Variants in IPP observed in about 807,000 individuals in gnomAD.
IPP encodes the protein intracisternal A particle-promoted polypeptide, also known as actin-binding protein IPP.
Under a neutral mutation model 64.1 loss-of-function variants are expected in IPP, and 41 were observed. That is an observed-to-expected ratio of 0.64 (90% confidence interval 0.50 to 0.83). The LOEUF (loss-of-function observed/expected upper bound fraction) is 0.83. Ranked by LOEUF, IPP falls within the 40% of genes least tolerant of loss-of-function variation. The probability of loss-of-function intolerance (pLI) is 0.00; values close to 1 mark genes in which losing one functional copy is unlikely to be tolerated. For synonymous variants in IPP, 214 were observed against 235.2 expected (o/e 0.91, Z 0.83); for missense variants, 649 against 703.0 (o/e 0.92, Z 0.87).
chr1:45,714,354 C>T lies in IPP; in HGVS notation c.1422G>A (p.Arg474=), dbSNP rs1202099926. Reference sequence around the variant, plus strand: ...GTGCAGCCACACCAAGATATGCTCTCCTGGTTCCCATTGGAGGAAGTGGAG... The same window carrying T: ...GTGCAGCCACACCAAGATATGCTCTTCTGGTTCCCATTGGAGGAAGTGGAG... ...RWSPLPPMGT[R]RAYLGVAALN... is the part of the protein sequence containing the mutation. The change falls in exon 8 of 9, where the codon AGG becomes AGA. Residue 474 remains arginine (R), a synonymous_variant. Coordinates refer to ENST00000396478, the MANE Select transcript of IPP (RefSeq NM_005897.3). 17 of 1,613,966 alleles carry T rather than the reference C, an allele frequency of 1.1e-5. No individual in the cohort carries two copies. The highest frequency in any genetic ancestry group is 2.2e-5 in the East Asian group (1 of 44,892).
chr1:45,728,643 C>A (rs1645865107), intron 4 of IPP, among the ~76,000 whole-genome samples: 1 of 151,846 alleles, frequency 6.6e-6, no homozygotes. Context: ...TACAGGCACA[C>A]ACCACCACAC....
At chr1:45,750,259 C>CT (rs1646203728) in intron 1 of IPP, among the ~76,000 whole-genome samples, 1 of 152,170 alleles carries the variant, frequency 6.6e-6, no homozygotes, top group East Asian at 1.9e-4. Context: ...TAGCCCTAAA[C>CT]TGCTGCTACA....
Position 45,735,070 on chromosome 1 carries a change from G to A in IPP, c.725-5301C>T, listed in dbSNP as rs1326917103. ...GCTGGGATTACAGGCGTGAGCCACT[G>A]TGCCCAGCCTAATTTTATTTGCTTT... On this transcript the variant is annotated intron_variant, in intron 3 of 8. Transcript: ENST00000396478. Among the ~76,000 whole-genome samples, 11 of 145,204 alleles carry A rather than the reference G, an allele frequency of 7.6e-5. No individual in the cohort carries two copies. In the Admixed American group the frequency reaches 7.6e-4, roughly 10 times the overall value.
intron 3 of IPP, among the ~76,000 whole-genome samples, chr1:45,738,104 TG>T (rs1174424035): frequency 6.6e-6 from 1 of 152,178 alleles, no homozygotes; most frequent in Non-Finnish European, 1.5e-5. Context: ...AGGCATCCAC[TG>T]GGGGGTTCTT....
At chr1:45,722,527 A>G (rs1440158356) in intron 5 of IPP, among the ~76,000 whole-genome samples, 3 of 152,110 alleles carry the variant, frequency 2.0e-5, no homozygotes, top group Non-Finnish European at 4.4e-5. Context: ...CCTGGGCAAC[A>G]GAGCGAGACT....
At chr1:45,745,981 A>G (rs1235684147) in intron 2 of IPP, 139 bp downstream of exon 2, 4 of 670,494 alleles carry the variant, frequency 6.0e-6, no homozygotes, top group Non-Finnish European at 9.8e-6. Context: ...GCACCGGGTC[A>G]TAAGATATGA....
chr1:45,744,536 C>G (rs1459405359), intron 2 of IPP, among the ~76,000 whole-genome samples: 2 of 151,914 alleles, frequency 1.3e-5, no homozygotes, highest in Non-Finnish European at 2.9e-5. Context: ...ACACACCCAG[C>G]TAATTAAAAA....
At chr1:45,741,451 C>A in intron 2 of IPP, 119 bp from the exon 3 acceptor site, 1 of 653,612 alleles carries the variant, frequency 1.5e-6, no homozygotes, top group Non-Finnish European at 2.5e-6. Context: ...TAGACAGACA[C>A]TAAAAAAGGC....
intron 1 of IPP, among the ~76,000 whole-genome samples, chr1:45,749,098 C>A (rs949851133): frequency 1.3e-5 from 2 of 152,120 alleles, no homozygotes; most frequent in African/African-American, 4.8e-5. Flanking sequence ...ACATTTCTGT[C>A]AGCACATTTT....
At chr1:45,736,278 G>A (rs28545085) in intron 3 of IPP, among the ~76,000 whole-genome samples, 42,771 of 151,634 alleles carry the variant, frequency 0.28, 6,161 homozygotes, top group South Asian at 0.36. Flanking sequence ...TTATATTTCT[G>A]TATTACCTAA....
chr1:45,702,847 AG>A (rs1372263553), intron 8 of IPP, among the ~76,000 whole-genome samples: 2 of 152,206 alleles, frequency 1.3e-5, no homozygotes, highest in Non-Finnish European at 2.9e-5. Flanking sequence ...GCCCTCAAAA[AG>A]TTCACTTTCT....
At chr1:45,743,192 C>T (rs899826084) in intron 2 of IPP, among the ~76,000 whole-genome samples, 1 of 151,922 alleles carries the variant, frequency 6.6e-6, no homozygotes, top group African/African-American at 2.4e-5. Flanking sequence ...CCCACCTCAG[C>T]CTCCCAAAGT....
intron 7 of IPP, 110 bp downstream of exon 7, chr1:45,716,785 G>C: frequency 3.6e-6 from 3 of 827,408 alleles, no homozygotes; most frequent in Non-Finnish European, 5.7e-6. Flanking sequence ...GCTAGTATCA[G>C]TCATTCAATA....
At chr1:45,708,050 ATTATT>A (rs1645533629) in intron 8 of IPP, among the ~76,000 whole-genome samples, 1 of 151,686 alleles carries the variant, frequency 6.6e-6, no homozygotes, top group South Asian at 2.1e-4. Context: ...CTTCAGGGTG[ATTATT>A]TTATTTTATT....
At position 45,702,142 on chromosome 1, in the gene IPP, C is replaced by T. The variant is rs189062645; in HGVS notation, c.1531-1952G>A. The stretch of plus-strand genomic sequence containing the variant: ...GAACCTTTGCTCTCCCACAAAATGC[C>T]CCTTGACAATAACAAAGGGACCTTA... On this transcript the variant is annotated intron_variant, in intron 8 of 8. Transcript: ENST00000396478. 1.4e-3 allele frequency among the ~76,000 whole-genome samples: 210 copies of T among 152,092 alleles called. 1 individual carries two copies. The highest frequency in any genetic ancestry group is 4.9e-3 in the African/African-American group (203 of 41,506).
At chr1:45,746,804 G>C (rs1471297191) in intron 1 of IPP, among the ~76,000 whole-genome samples, 1 of 152,126 alleles carries the variant, frequency 6.6e-6, no homozygotes, top group Non-Finnish European at 1.5e-5. Context: ...ACATCACAGA[G>C]CACACATCAC....
chr1:45,743,879 T>C (rs928866046), intron 2 of IPP, among the ~76,000 whole-genome samples: 1 of 151,546 alleles, frequency 6.6e-6, no homozygotes, highest in Non-Finnish European at 1.5e-5. Context: ...TAGCTGGGCA[T>C]GTTAGTGCAA....
At chr1:45,703,633 A>T (rs1645483173) in intron 8 of IPP, among the ~76,000 whole-genome samples, 2 of 152,080 alleles carry the variant, frequency 1.3e-5, no homozygotes, top group Non-Finnish European at 2.9e-5. Context: ...AACTAATTTA[A>T]CCTGGTTTAA....
chr1:45,705,980 T>C (rs1645507930), intron 8 of IPP, among the ~76,000 whole-genome samples: 1 of 152,094 alleles, frequency 6.6e-6, no homozygotes, highest in African/African-American at 2.4e-5. Flanking sequence ...TGCATGATAG[T>C]CAGCTGATAC....
Sources: gnomAD v4.1 joint callset for allele counts (sites outside exome capture counted in the v4.1 genomes callset) on GRCh38, gnomAD v4.1.1 for gene constraint, MANE v1.5 for transcripts, NCBI Gene and HGNC (gene_info 2026-07-23, HGNC 2026-07-21) for gene names.